CNST: variants seen among roughly 807,000 people sequenced by gnomAD.
The protein encoded by CNST is consortin, connexin sorting protein.
CNST carries 39 observed loss-of-function variants against 72.4 expected under a neutral mutation model. That is an observed-to-expected ratio of 0.54 (90% CI 0.42 to 0.70). CNST has a LOEUF of 0.70. Among genes scored for constraint, CNST ranks in the 30% least tolerant of loss-of-function variants. CNST has a pLI of 0.00. For synonymous variants in CNST, 332 were observed against 320.1 expected, an observed-to-expected ratio of 1.04 and a Z score of -0.40; for missense variants, 871 against 868.5, an observed-to-expected ratio of 1.00 and a Z score of -0.04.
At chr1:246,659,402 G>A (rs1273770544) in intron 9 of CNST, among the ~76,000 whole-genome samples, 1 of 152,162 alleles carries the variant, frequency 6.6e-6, no homozygotes, top group Non-Finnish European at 1.5e-5. Flanking sequence ...AGACCATCCT[G>A]GCTAACTCGG....
At chr1:246,631,386 C>T (rs1197026355) in intron 3 of CNST, among the ~76,000 whole-genome samples, 1 of 152,180 alleles carries the variant, frequency 6.6e-6, no homozygotes, top group East Asian at 1.9e-4. Flanking sequence ...CTGTGAGGTC[C>T]TCAGCCGGTG....
intron 2 of CNST, chr1:246,608,215 T>C (rs368351340): frequency 6.6e-6 from 1 of 152,212 alleles, no homozygotes; most frequent in South Asian, 2.1e-4. Context: ...CATGGTGGCA[T>C]GTGCCTGAGG....
Position 246,581,496 on chromosome 1 carries a change from C to T in CNST, c.-51-10016C>T, listed in dbSNP as rs1189539336. ...CAGGCTGGTCCCGAACTCCTGAGCT[C>T]GGGTGATCCGCCCACCTTGGCCTCC... On this transcript the variant is annotated intron_variant, in intron 1 of 10. Transcript: ENST00000366513. 3.9e-5 allele frequency among the ~76,000 whole-genome samples: 6 copies of T among 152,194 alleles called. No individual in the cohort carries two copies. In the East Asian group the frequency reaches 9.6e-4, roughly 24 times the overall value.
Position 246,647,971 on chromosome 1 carries a change from G to A in CNST, c.1770G>A (p.Glu590=). ...SPEEASYSLQ[E]NLPSDESCLS... ...AAGAAGCATCCTATAGTCTCCAGGA[G>A]AATCTGCCTTCTGATGAGAGCTGTC... Residue 590 remains glutamate (E), a synonymous_variant, in exon 9 of 11, where the codon GAG becomes GAA. Transcript: ENST00000366513. 6.2e-7 allele frequency: 1 copy of A among 1,613,788 alleles called. No homozygotes were observed. Among genetic ancestry groups the A allele is most frequent in the Non-Finnish European group, 8.5e-7 (1 of 1,180,016 alleles).
In CNST at chr1:246,641,882, T is replaced by C. The variant is rs997641940; in HGVS notation, c.841-59T>C. On this transcript the variant is annotated intron_variant, in intron 7 of 10. Coordinates refer to ENST00000366513, the MANE Select transcript of CNST (RefSeq NM_152609.3). ...AACCTTTCCCAAGTTATTTTCAGCT[T>C]CCTAGTTTAATACAACAGTTTCCCC... The C allele has an allele frequency of 2.0e-5, 29 of 1,418,664 alleles. No homozygotes were observed. In the Admixed American group the frequency reaches 4.5e-4, roughly 22 times the overall value. 87.9% of individuals were successfully genotyped at this position (1,418,664 alleles called of 1,614,324 possible).
At chr1:246,640,796 A>T (rs866954520) in intron 6 of CNST, among the ~76,000 whole-genome samples, 10 of 152,148 alleles carry the variant, frequency 6.6e-5, no homozygotes, top group Non-Finnish European at 1.0e-4. Context: ...CAAAATTTGG[A>T]TAACTCCCCC....
chr1:246,649,558 T>C (rs549660245), intron 9 of CNST, among the ~76,000 whole-genome samples: 1 of 152,272 alleles, frequency 6.6e-6, no homozygotes, highest in South Asian at 2.1e-4. Context: ...AACAATCAAG[T>C]TGACCATAAA....
intron 1 of CNST, among the ~76,000 whole-genome samples, chr1:246,579,600 C>G (rs1176775562): frequency 6.6e-6 from 1 of 152,140 alleles, no homozygotes; most frequent in Non-Finnish European, 1.5e-5. Flanking sequence ...AAAACTCCAT[C>G]TCTTCTAAAA....
chr1:246,601,735 A>G (rs1242808393), intron 2 of CNST, among the ~76,000 whole-genome samples: 1 of 152,224 alleles, frequency 6.6e-6, no homozygotes, highest in Non-Finnish European at 1.5e-5. Flanking sequence ...CGGAGGTTGC[A>G]GTGAGCCGAG....
chr1:246,593,665 T>C (rs1301943005), intron 2 of CNST, among the ~76,000 whole-genome samples: 1 of 152,142 alleles, frequency 6.6e-6, no homozygotes, highest in Non-Finnish European at 1.5e-5. Context: ...AAAGATCTAA[T>C]AAGCAGAGGA....
intron 9 of CNST, 193 bp downstream of exon 9, chr1:246,648,230 A>G (rs1666240064): frequency 2.2e-6 from 3 of 1,370,058 alleles, no homozygotes; most frequent in Non-Finnish European, 2.8e-6. Context: ...TAATCATTGC[A>G]ATGTTCATAC....
At chr1:246,619,618 A>G (rs1322932575) in intron 2 of CNST, among the ~76,000 whole-genome samples, 1 of 152,252 alleles carries the variant, frequency 6.6e-6, no homozygotes, top group Non-Finnish European at 1.5e-5. Flanking sequence ...TTATAGGGAA[A>G]GATGTGGATT....
Position 246,660,348 on chromosome 1 carries a change from C to G in CNST, c.1972+14C>G. 1 of 1,609,096 alleles carries G rather than the reference C, an allele frequency of 6.2e-7. No individual in the cohort carries two copies. The highest frequency in any genetic ancestry group is 8.5e-7 in the Non-Finnish European group (1 of 1,178,426). On this transcript the variant is annotated intron_variant, in intron 10 of 10. Coordinates refer to ENST00000366513, the MANE Select transcript of CNST (RefSeq NM_152609.3). Reference sequence around the variant, plus strand: ...GCTTGGATCAAGGTAAACCGCTTGGCACTGTGGCTAGCAGGATAGATGCTC... The same window carrying G: ...GCTTGGATCAAGGTAAACCGCTTGGGACTGTGGCTAGCAGGATAGATGCTC...
At chr1:246,638,250 C>T (rs1014039213) in intron 6 of CNST, among the ~76,000 whole-genome samples, 5 of 152,152 alleles carry the variant, frequency 3.3e-5, no homozygotes, top group African/African-American at 1.2e-4. Context: ...TCCTCCTTTT[C>T]TTCTGAGGAG....
At chr1:246,663,427 CAT>C (rs1667222679) in intron 10 of CNST, among the ~76,000 whole-genome samples, 1 of 151,402 alleles carries the variant, frequency 6.6e-6, no homozygotes, top group Non-Finnish European at 1.5e-5. Context: ...ATATAAAAGA[CAT>C]ATTTTCATAC....
At chr1:246,645,400 C>T (rs912225669) in intron 8 of CNST, among the ~76,000 whole-genome samples, 3 of 147,654 alleles carry the variant, frequency 2.0e-5, no homozygotes, top group Non-Finnish European at 3.0e-5. Context: ...AGTTAAACAA[C>T]ATATTAGTAT....
At chr1:246,606,869 C>T (rs1196140149) in intron 2 of CNST, 1 of 152,008 alleles carries the variant, frequency 6.6e-6, no homozygotes, top group East Asian at 1.9e-4. Context: ...GTGAGCAAGC[C>T]TGGGTTCCCC....
At chr1:246,586,558 C>T (rs1254559825) in intron 1 of CNST, among the ~76,000 whole-genome samples, 1 of 150,936 alleles carries the variant, frequency 6.6e-6, no homozygotes, top group Non-Finnish European at 1.5e-5. Flanking sequence ...CATGTTAGTC[C>T]CTCTTTTTTA....
At chr1:246,581,154 T>G (rs1329310200) in intron 1 of CNST, among the ~76,000 whole-genome samples, 1 of 152,270 alleles carries the variant, frequency 6.6e-6, no homozygotes, top group Admixed American at 6.5e-5. Context: ...TGTCCTGTAT[T>G]TTCATTGCAA....
Sources: allele counts gnomAD v4.1 joint callset (sites outside exome capture counted in the v4.1 genomes callset), GRCh38; gene constraint gnomAD v4.1.1; transcripts MANE v1.5; gene names NCBI Gene and HGNC (gene_info 2026-07-23, HGNC 2026-07-21).